Variants in NALF1 observed in about 807,000 individuals in gnomAD.
The protein encoded by NALF1 is family with sequence similarity 155 member A.
In NALF1, 3 loss-of-function variants were observed where a neutral mutation model predicts 48.4. That is an observed-to-expected ratio of 0.06 (90% CI 0.03 to 0.16). The LOEUF (loss-of-function observed/expected upper bound fraction) is 0.16, where lower values mean the gene tolerates loss of function less well. Among genes scored for constraint, NALF1 ranks in the 10% least tolerant of loss-of-function variants. NALF1 has a pLI of 1.00. For missense variants in NALF1, 526 were observed against 571.5 expected, an observed-to-expected ratio of 0.92 and a Z score of 0.81; for synonymous variants, 262 against 245.7, an observed-to-expected ratio of 1.07 and a Z score of -0.62.
intron 1 of NALF1, among the ~76,000 whole-genome samples, chr13:107,340,603 A>G (rs750970952): frequency 1.3e-5 from 2 of 151,630 alleles, no homozygotes; most frequent in Non-Finnish European, 2.9e-5. Flanking sequence ...ACAGTTGTGT[A>G]TATCACTGGC....
intron 1 of NALF1, among the ~76,000 whole-genome samples, chr13:107,749,592 G>A (rs886233171): frequency 1.3e-5 from 2 of 151,572 alleles, no homozygotes; most frequent in African/African-American, 4.8e-5. Flanking sequence ...AATATACTAT[G>A]TAGTATATAT....
rs961130278 is a variant in NALF1, at chr13:107,711,321, CTTGT to C, written c.915+154357_915+154360del. Among the ~76,000 whole-genome samples, 67 of 152,348 alleles carry C rather than the reference CTTGT, an allele frequency of 4.4e-4. No individual in the cohort carries two copies. In the East Asian group the frequency reaches 7.1e-3, roughly 16 times the overall value. Reference sequence around the variant, plus strand: ...GTGATACTAAACCAAACTCATGGTCCTTGTTTGTTTGTTTGTTTATTTATTTATT... The same window carrying C: ...GTGATACTAAACCAAACTCATGGTCCTTGTTTGTTTGTTTATTTATTTATT... On this transcript the variant is annotated intron_variant, in intron 1 of 2. Coordinates refer to ENST00000375915, the MANE Select transcript of NALF1 (RefSeq NM_001080396.3).
intron 1 of NALF1, among the ~76,000 whole-genome samples, chr13:107,470,470 T>A (rs1299431916): frequency 6.6e-6 from 1 of 152,226 alleles, no homozygotes; most frequent in Non-Finnish European, 1.5e-5. Context: ...AGTCACGAAG[T>A]TTTCTTTGCA....
chr13:107,618,897 A>G (rs1879453234), intron 1 of NALF1, among the ~76,000 whole-genome samples: 1 of 152,194 alleles, frequency 6.6e-6, no homozygotes, highest in African/African-American at 2.4e-5. Flanking sequence ...AAGCTAAACA[A>G]CATATTGCTT....
intron 1 of NALF1, among the ~76,000 whole-genome samples, chr13:107,282,528 C>T (rs1881409265): frequency 6.6e-6 from 1 of 152,182 alleles, no homozygotes; most frequent in South Asian, 2.1e-4. Context: ...TTCCCTTCCA[C>T]ACTAGTAGGG....
In NALF1 at chr13:107,866,314, G is replaced by C; in HGVS notation, c.283C>G (p.Gln95Glu). 1 of 1,607,454 alleles carries C rather than the reference G, an allele frequency of 6.2e-7. No individual in the cohort carries two copies. The highest frequency in any genetic ancestry group is 8.5e-7 in the Non-Finnish European group (1 of 1,178,614). The change falls in exon 1 of 3, where the codon CAG becomes GAG. Residue 95 changes from glutamine to glutamate, a missense_variant. Gln to Glu is a conservative substitution (Grantham distance 29). Coordinates refer to ENST00000375915, the MANE Select transcript of NALF1 (RefSeq NM_001080396.3). This position sits in a 1 kb window ranked among gnomAD's most constrained non-coding sequence, Gnocchi z 4.4. ...CAGGAGGGCTCCTGCTGCCGCCGCTGCTGCTGCTGCTGCTGCCGCTGCCTC... is the reference window on the plus strand; with the variant it reads ...CAGGAGGGCTCCTGCTGCCGCCGCTCCTGCTGCTGCTGCTGCCGCTGCCTC... Reference protein sequence around the residue: ...QQRQRQQQQQQRRQQEPSWPA... With the variant: ...QQRQRQQQQQERRQQEPSWPA...
At chr13:107,187,884 T>C (rs942959211) in intron 2 of NALF1, among the ~76,000 whole-genome samples, 2 of 152,190 alleles carry the variant, frequency 1.3e-5, no homozygotes, top group Admixed American at 1.3e-4. Context: ...TCAATTCAGT[T>C]CTATTAGGTT....
intron 1 of NALF1, among the ~76,000 whole-genome samples, chr13:107,286,537 T>A (rs1881495672): frequency 7.0e-6 from 1 of 142,854 alleles, no homozygotes; most frequent in South Asian, 2.2e-4. Context: ...CTCAGGAGTC[T>A]GAGGTGGGAG....
At chr13:107,550,020 G>C (rs866435480) in intron 1 of NALF1, among the ~76,000 whole-genome samples, 1 of 151,948 alleles carries the variant, frequency 6.6e-6, no homozygotes, top group African/African-American at 2.4e-5. Context: ...CTTTGCATTT[G>C]TCTGATGTTT....
intron 1 of NALF1, among the ~76,000 whole-genome samples, chr13:107,259,324 T>C (rs1880884330): frequency 6.6e-6 from 1 of 152,214 alleles, no homozygotes; most frequent in African/African-American, 2.4e-5. Context: ...GATCTATCAC[T>C]GAAGAACTGA....
At chr13:107,287,704 T>TTA (rs1262002717) in intron 1 of NALF1, among the ~76,000 whole-genome samples, 1 of 95,352 alleles carries the variant, frequency 1.0e-5, no homozygotes, top group Non-Finnish European at 2.4e-5. Flanking sequence ...TTTCTTTTCT[T>TTA]TCTTTTTTTT....
intron 1 of NALF1, among the ~76,000 whole-genome samples, chr13:107,568,612 T>C (rs1877886471): frequency 6.6e-6 from 1 of 152,244 alleles, no homozygotes; most frequent in Non-Finnish European, 1.5e-5. Context: ...CAGCATTTAA[T>C]GTTATTCCTA....
At chr13:107,172,677 C>T (rs1050260185) in intron 2 of NALF1, among the ~76,000 whole-genome samples, 9 of 152,100 alleles carry the variant, frequency 5.9e-5, no homozygotes, top group Non-Finnish European at 1.0e-4. Context: ...CACTGCTAGA[C>T]TAATCATTTA....
intron 1 of NALF1, among the ~76,000 whole-genome samples, chr13:107,670,627 A>G (rs143835417): frequency 6.7e-4 from 102 of 152,256 alleles, no homozygotes; most frequent in African/African-American, 2.4e-3. Flanking sequence ...TGGGCCACGT[A>G]TAATTTCTTA....
At chr13:107,552,019 G>C (rs1468852358) in intron 1 of NALF1, among the ~76,000 whole-genome samples, 1 of 152,080 alleles carries the variant, frequency 6.6e-6, no homozygotes, top group African/African-American at 2.4e-5. Context: ...GTGTCAAGAA[G>C]TAAAAATTAT....
intron 1 of NALF1, among the ~76,000 whole-genome samples, chr13:107,323,215 A>T (rs1383516607): frequency 6.6e-6 from 1 of 152,152 alleles, no homozygotes; most frequent in African/African-American, 2.4e-5. Flanking sequence ...CGTGCTATAG[A>T]ACTTCTGATT....
intron 1 of NALF1, among the ~76,000 whole-genome samples, chr13:107,764,364 A>G (rs528612085): frequency 1.1e-4 from 16 of 152,274 alleles, no homozygotes; most frequent in South Asian, 6.2e-4. Flanking sequence ...AACATAATAC[A>G]TATGTTGTAT....
At chr13:107,680,774 T>C (rs945335489) in intron 1 of NALF1, among the ~76,000 whole-genome samples, 3 of 150,296 alleles carry the variant, frequency 2.0e-5, no homozygotes, top group African/African-American at 7.4e-5. Flanking sequence ...AGTGTGCAAA[T>C]GTAAGAATGT....
intron 1 of NALF1, among the ~76,000 whole-genome samples, chr13:107,823,921 TGTAAA>T (rs926016112): frequency 1.3e-5 from 2 of 152,106 alleles, no homozygotes; most frequent in African/African-American, 4.8e-5. Context: ...ATTTAATACA[TGTAAA>T]GTGTTTCTTG....
Sources: allele counts gnomAD v4.1 joint callset (sites outside exome capture counted in the v4.1 genomes callset), GRCh38; gene constraint gnomAD v4.1.1; non-coding constraint Gnocchi (gnomAD v3.1); transcripts MANE v1.5; gene names NCBI Gene and HGNC (gene_info 2026-07-23, HGNC 2026-07-21).